The following RASAL2 variants were observed in gnomAD, a reference collection of about 807,000 sequenced individuals.
RASAL2 encodes RAS protein activator like 2.
A neutral mutation model predicts 128.9 loss-of-function variants in RASAL2; 58 were observed. The ratio of observed to expected loss-of-function variants is 0.45; its 90% CI spans 0.36 to 0.56. RASAL2 has a LOEUF of 0.56. RASAL2 is among the 20% of genes least tolerant of loss of function. The pLI is 0.00. For missense variants in RASAL2, 1,360 were observed against 1,601.6 expected (o/e 0.85, Z 2.57); for synonymous variants, 561 against 580.8 (o/e 0.97, Z 0.49).
intron 14 of RASAL2, among the ~76,000 whole-genome samples, chr1:178,460,818 A>G (rs945413079): frequency 2.7e-5 from 4 of 147,716 alleles, no homozygotes; most frequent in African/African-American, 1.0e-4. Context: ...TTTTATTTTT[A>G]TTTTTATTTT....
intron 4 of RASAL2, among the ~76,000 whole-genome samples, chr1:178,393,202 T>C (rs766578052): frequency 6.6e-6 from 1 of 152,186 alleles, no homozygotes; most frequent in Non-Finnish European, 1.5e-5. Context: ...TTGGGGATGA[T>C]TGAAGTGCAT....
chr1:178,446,002 A>G (rs530554226), intron 9 of RASAL2, among the ~76,000 whole-genome samples: 8 of 152,192 alleles, frequency 5.3e-5, no homozygotes, highest in Non-Finnish European at 1.0e-4. Context: ...ATTATTACCT[A>G]GTCTTGAGAG....
At chr1:178,390,823 G>T (rs574439505) in intron 4 of RASAL2, among the ~76,000 whole-genome samples, 57 of 151,712 alleles carry the variant, frequency 3.8e-4, no homozygotes, top group African/African-American at 1.3e-3. Flanking sequence ...TTTTTATCAA[G>T]TTGCTAGCAA....
At chr1:178,206,200 G>A (rs1287320923) in intron 1 of RASAL2, among the ~76,000 whole-genome samples, 2 of 152,190 alleles carry the variant, frequency 1.3e-5, no homozygotes, top group African/African-American at 2.4e-5. Context: ...TGAAGAAAGC[G>A]AGACAGGAAA....
chr1:178,179,712 A>G (rs1376077772), intron 1 of RASAL2, among the ~76,000 whole-genome samples: 7 of 152,188 alleles, frequency 4.6e-5, no homozygotes, highest in Non-Finnish European at 1.0e-4. Context: ...TAGAAATGAT[A>G]ATAATGGCTA....
chr1:178,196,538 A>G (rs1432721725), intron 1 of RASAL2, among the ~76,000 whole-genome samples: 1 of 152,228 alleles, frequency 6.6e-6, no homozygotes, highest in Non-Finnish European at 1.5e-5. Flanking sequence ...AATTTGCTGC[A>G]TGCTGAGTAC....
chr1:178,201,583 A>G (rs969323589), intron 1 of RASAL2, among the ~76,000 whole-genome samples: 3 of 152,222 alleles, frequency 2.0e-5, no homozygotes, highest in African/African-American at 7.2e-5. Context: ...ATTTAAATGC[A>G]GTGGGAATAA....
chr1:178,226,391 A>C (rs1440211445), intron 1 of RASAL2, among the ~76,000 whole-genome samples: 1 of 152,144 alleles, frequency 6.6e-6, no homozygotes, highest in Non-Finnish European at 1.5e-5. Context: ...TGAACTAAAG[A>C]GCTGAATTTA....
At chr1:178,162,050 C>G (rs867539421) in intron 1 of RASAL2, among the ~76,000 whole-genome samples, 1 of 150,216 alleles carries the variant, frequency 6.7e-6, no homozygotes. Context: ...CTGCAAGCTC[C>G]GCCTCTCAGC....
At chr1:178,198,159 T>C (rs1295642232) in intron 1 of RASAL2, among the ~76,000 whole-genome samples, 5 of 152,246 alleles carry the variant, frequency 3.3e-5, no homozygotes, top group Non-Finnish European at 7.3e-5. Context: ...ACAATAAACA[T>C]ACATGTGCAT....
intron 1 of RASAL2, among the ~76,000 whole-genome samples, chr1:178,254,053 G>A (rs557181157): frequency 6.6e-6 from 1 of 152,242 alleles, no homozygotes; most frequent in African/African-American, 2.4e-5. Context: ...TGCTTCTCAA[G>A]CTTTACTTGG....
At chr1:178,317,817 T>C (rs1463419414) in intron 3 of RASAL2, among the ~76,000 whole-genome samples, 2 of 151,394 alleles carry the variant, frequency 1.3e-5, no homozygotes, top group African/African-American at 4.9e-5. Flanking sequence ...ATTTTAGTTA[T>C]TTCTTGCCCT....
intron 1 of RASAL2, among the ~76,000 whole-genome samples, chr1:178,145,146 T>C (rs1660680073): frequency 6.6e-6 from 1 of 152,194 alleles, no homozygotes; most frequent in Non-Finnish European, 1.5e-5. Context: ...TTTTTACAAA[T>C]GGATAGTGAT....
At position 178,456,906 on chromosome 1, in the gene RASAL2, AAG is replaced by A. The variant is rs1435268208; in HGVS notation, c.2390+13_2390+14del. On this transcript the variant is annotated splice_region_variant and intron_variant, in intron 13 of 17. Transcript: ENST00000367649. ...TTGAAGACCCCACTGACAGGTATGA[AAG>A]AGAGAATTTGACCACTATCTCGGAG... 1.7e-5 allele frequency: 27 copies of A among 1,611,582 alleles called. No individual in the cohort carries two copies. The highest frequency in any genetic ancestry group is 2.2e-5 in the Non-Finnish European group (26 of 1,178,566).
intron 1 of RASAL2, among the ~76,000 whole-genome samples, chr1:178,259,122 CTTTTTTTTTTTTTTTT>C (rs59978357): frequency 1.4e-5 from 1 of 70,546 alleles, no homozygotes; most frequent in Non-Finnish European, 2.6e-5. Flanking sequence ...AATGAAACTT[CTTTTTTTTTTTTTTTT>C]TTTTTTTTTT....
Position 178,158,459 on chromosome 1 carries a change from A to G in RASAL2, c.202+63765A>G, listed in dbSNP as rs116805766. Among the ~76,000 whole-genome samples the G allele has an allele frequency of 3.0e-3, 460 of 152,194 alleles. 2 individuals carry two copies. The highest frequency in any genetic ancestry group is 0.011 in the African/African-American group (443 of 41,530). On this transcript the variant is annotated intron_variant, in intron 1 of 17. Transcript: ENST00000367649. Reference sequence around the variant, plus strand: ...ATGAATGGTAGTGATTCTTAGACCAACTTGGGTTCAAAATCCTGTTCTGCC... The same window carrying G: ...ATGAATGGTAGTGATTCTTAGACCAGCTTGGGTTCAAAATCCTGTTCTGCC...
intron 3 of RASAL2, among the ~76,000 whole-genome samples, chr1:178,307,022 GA>G (rs199616205): frequency 0.25 from 34,173 of 136,382 alleles, 6,603 homozygotes; most frequent in African/African-American, 0.55. Flanking sequence ...AATAATAAAA[GA>G]AAAAAAAAAA....
intron 1 of RASAL2, among the ~76,000 whole-genome samples, chr1:178,162,362 A>AT (rs1257763568): frequency 8.0e-6 from 1 of 124,730 alleles, no homozygotes; most frequent in Non-Finnish European, 1.6e-5. Flanking sequence ...AATATATAAT[A>AT]TACATATAAT....
intron 1 of RASAL2, among the ~76,000 whole-genome samples, chr1:178,225,770 T>C (rs938995185): frequency 6.6e-6 from 1 of 151,888 alleles, no homozygotes; most frequent in East Asian, 1.9e-4. Flanking sequence ...CATACATATA[T>C]ATATATATAT....
Sources: gnomAD v4.1 joint callset for allele counts (sites outside exome capture counted in the v4.1 genomes callset) on GRCh38, gnomAD v4.1.1 for gene constraint, MANE v1.5 for transcripts, NCBI Gene and HGNC (gene_info 2026-07-23, HGNC 2026-07-21) for gene names.